Variants in CACNG6 observed in about 807,000 individuals in gnomAD.
CACNG6 encodes the protein calcium voltage-gated channel auxiliary subunit gamma 6, also known as voltage-dependent calcium channel gamma-6 subunit.
A neutral mutation model predicts 23.9 loss-of-function variants in CACNG6; 21 were observed. The ratio of observed to expected loss-of-function variants is 0.88; its 90% CI spans 0.62 to 1.26. The LOEUF (loss-of-function observed/expected upper bound fraction) is 1.26, where lower values mean the gene tolerates loss of function less well. Among genes scored for constraint, CACNG6 ranks in the 50% most tolerant of loss-of-function variants. CACNG6 has a pLI of 0.00. For missense variants in CACNG6, 340 were observed against 352.9 expected, an observed-to-expected ratio of 0.96 and a Z score of 0.29; for synonymous variants, 182 against 168.9, an observed-to-expected ratio of 1.08 and a Z score of -0.60.
At position 53,991,981 on chromosome 19, in the gene CACNG6, C is replaced by T. The variant is rs2069465584; in HGVS notation, c.-897C>T. 1.3e-5 allele frequency among the ~76,000 whole-genome samples: 2 copies of T among 152,052 alleles called. No homozygotes were observed. The highest frequency in any genetic ancestry group is 3.9e-4 in the East Asian group (2 of 5,180). On this transcript the variant is annotated 5_prime_UTR_variant, in exon 1 of 4. Transcript: ENST00000252729. ...CAGGAGGGCCCCCGGTCCCATCTGC[C>T]CCAGCCCTCGGGGAGGCCCCGTAGC...
At chr19:54,005,807 T>C (rs2069637682) in intron 3 of CACNG6, among the ~76,000 whole-genome samples, 1 of 130,564 alleles carries the variant, frequency 7.7e-6, no homozygotes, top group Non-Finnish European at 1.7e-5. Context: ...TAAAATAAAA[T>C]AAACCAGGCG....
upstream of CACNG6, among the ~76,000 whole-genome samples, chr19:53,991,407 T>C (rs2069456992): frequency 6.6e-6 from 1 of 151,450 alleles, no homozygotes; most frequent in Non-Finnish European, 1.5e-5. Flanking sequence ...TCGGCGCCGC[T>C]CTTGCCCCTT....
chr19:54,008,315 T>C (rs553927529), intron 3 of CACNG6, among the ~76,000 whole-genome samples: 9 of 152,212 alleles, frequency 5.9e-5, no homozygotes, highest in Admixed American at 4.6e-4. Context: ...ATTGCACCAT[T>C]GCACTCCAGC....
chr19:54,004,981 G>GTACGTGATCCCTTGAGCC, intron 3 of CACNG6, among the ~76,000 whole-genome samples: 1 of 144,368 alleles, frequency 6.9e-6, no homozygotes, highest in East Asian at 1.9e-4. Context: ...GGAGGCCGAG[G>GTACGTGATCCCTTGAGCC]CAGGTGGCTC....
In CACNG6 at chr19:53,998,254, A is replaced by G. The variant is rs1159450845; in HGVS notation, c.347A>G (p.Tyr116Cys). 8 of 1,613,896 alleles carry G rather than the reference A, an allele frequency of 5.0e-6. No homozygotes were observed. Among genetic ancestry groups the G allele is most frequent in the East Asian group, 2.2e-5 (1 of 44,890 alleles). The part of the protein sequence containing the change: ...AELPGEANCT[Y>C]FKFFTTGENA... ...GCTCCCACAGAAGCAAACTGCACCT[A>G]TTTTAAATTCTTCACCACGGGGGAG... The change falls in exon 2 of 4, where the codon TAT becomes TGT. Residue 116 changes from tyrosine to cysteine, a missense_variant. By Grantham distance (194) the Tyr-to-Cys change is radical. Coordinates refer to ENST00000252729, the MANE Select transcript of CACNG6 (RefSeq NM_145814.2).
chr19:53,993,116 A>G lies in CACNG6; in HGVS notation c.239A>G (p.His80Arg). The G allele has an allele frequency of 6.5e-7, 1 of 1,548,068 alleles. No individual in the cohort carries two copies. Among genetic ancestry groups the G allele is most frequent in the South Asian group, 1.2e-5 (1 of 83,968 alleles). ...ANGSAVCEAA[H>R]LGLWKACTKR... ...GGCAGCGCCGTGTGCGAAGCGGCCCACCTGGGGCTGTGGAAGGCGTGCACC... is the reference window on the plus strand; with the variant it reads ...GGCAGCGCCGTGTGCGAAGCGGCCCGCCTGGGGCTGTGGAAGGCGTGCACC... The change falls in exon 1 of 4, where the codon CAC becomes CGC. Residue 80 changes from histidine (H) to arginine (R), a missense_variant. Transcript: ENST00000252729.
At chr19:53,994,289 A>G (rs891336230) in intron 1 of CACNG6, among the ~76,000 whole-genome samples, 2 of 152,070 alleles carry the variant, frequency 1.3e-5, no homozygotes, top group Non-Finnish European at 2.9e-5. Context: ...CCTTCCCTGC[A>G]ATGTTCTTCA....
intron 3 of CACNG6, among the ~76,000 whole-genome samples, chr19:54,005,695 G>A (rs1424466859): frequency 6.6e-6 from 1 of 151,862 alleles, no homozygotes; most frequent in African/African-American, 2.4e-5. Context: ...GGAGATTGCA[G>A]TGAGCCAAGA....
chr19:53,994,630 G>A (rs573003010), intron 1 of CACNG6, among the ~76,000 whole-genome samples: 2 of 152,130 alleles, frequency 1.3e-5, no homozygotes, highest in Non-Finnish European at 2.9e-5. Context: ...CTCCAAAGAC[G>A]GTCCTATCAT....
intron 3 of CACNG6, among the ~76,000 whole-genome samples, chr19:54,008,764 G>A (rs2069673617): frequency 6.6e-6 from 1 of 152,134 alleles, no homozygotes; most frequent in African/African-American, 2.4e-5. Flanking sequence ...ACCATCCAAA[G>A]TCCCTGCTCC....
At position 54,012,139 on chromosome 19, in the gene CACNG6, T is replaced by G; in HGVS notation, c.733T>G (p.Ser245Ala). The G allele has an allele frequency of 6.5e-7, 1 of 1,535,618 alleles. No individual in the cohort carries two copies. Among genetic ancestry groups the G allele is most frequent in the Non-Finnish European group, 8.8e-7 (1 of 1,141,976 alleles). ...CTGCTTTCTGCTGCTCACACTGCCT[T>G]CCTGGCCCTGGGGGTCCCTCTGTCC... ...AGCFLLLTLP[S>A]WPWGSLCPKR... The change falls in exon 4 of 4, where the codon TCC (serine) becomes GCC (alanine). Residue 245 changes from serine (S) to alanine (A), a missense_variant. By Grantham distance (99) the Ser-to-Ala change is moderately conservative. Transcript: ENST00000252729.
chr19:54,001,345 C>T (rs184950274), intron 3 of CACNG6, among the ~76,000 whole-genome samples: 8 of 152,112 alleles, frequency 5.3e-5, no homozygotes, highest in Admixed American at 2.0e-4. Context: ...TGTGCCACCA[C>T]GCCTGGCTAA....
At chr19:54,001,192 C>CT (rs36064940) in intron 3 of CACNG6, among the ~76,000 whole-genome samples, 22,580 of 142,522 alleles carry the variant, frequency 0.16, 3,148 homozygotes, top group African/African-American at 0.37. Flanking sequence ...TCTTTTCTTT[C>CT]TTTTTTTTTT....
intron 1 of CACNG6, 133 bp from the exon 2 acceptor site, chr19:53,998,106 A>G: frequency 1.5e-6 from 1 of 678,688 alleles, no homozygotes; most frequent in South Asian, 2.0e-5. Flanking sequence ...TCTGGGCATC[A>G]TTTTTCTCCT....
chr19:54,000,118 T>C (rs755869168), intron 3 of CACNG6, among the ~76,000 whole-genome samples: 1 of 152,226 alleles, frequency 6.6e-6, no homozygotes, highest in African/African-American at 2.4e-5. Context: ...ACCTGGGATT[T>C]CCAATCACTG....
At chr19:54,005,348 C>T (rs1469174303) in intron 3 of CACNG6, among the ~76,000 whole-genome samples, 3 of 151,022 alleles carry the variant, frequency 2.0e-5, no homozygotes, top group Non-Finnish European at 2.9e-5. Flanking sequence ...TCCCTTGAGC[C>T]CAGGAGTTCG....
chr19:53,996,215 T>G (rs2069519614), intron 1 of CACNG6, among the ~76,000 whole-genome samples: 1 of 152,180 alleles, frequency 6.6e-6, no homozygotes, highest in Non-Finnish European at 1.5e-5. Flanking sequence ...CTCTTCTCTC[T>G]TTCTGTGCCT....
At chr19:53,995,441 T>G (rs2069510743) in intron 1 of CACNG6, among the ~76,000 whole-genome samples, 1 of 152,150 alleles carries the variant, frequency 6.6e-6, no homozygotes. Context: ...GTATGGAATG[T>G]GGGGGTGACC....
rs766609552 is a variant in CACNG6 at position 54,006,522 on chromosome 19, CTTTTTTTTTTT to C, written c.545-5417_545-5407del. On this transcript the variant is annotated intron_variant, in intron 3 of 3. Transcript: ENST00000252729. ...GTGTCCCCAGTTCCTTCTTTCTTTT[CTTTTTTTTTTT>C]TTTTTTTTTTTGTTGAGTCAGAGTC... Among the ~76,000 whole-genome samples, 4 of 34,190 alleles carry C rather than the reference CTTTTTTTTTTT, an allele frequency of 1.2e-4. No homozygotes were observed. In the South Asian group the frequency reaches 3.8e-3, roughly 32 times the overall value. 22.4% of individuals were successfully genotyped at this position (34,190 alleles called of 152,430 possible). A position where few individuals can be genotyped will look rare whatever the true frequency, so the allele number is the denominator to read the frequency against.
Sources: allele counts gnomAD v4.1 joint callset (sites outside exome capture counted in the v4.1 genomes callset), GRCh38; gene constraint gnomAD v4.1.1; transcripts MANE v1.5; gene names NCBI Gene and HGNC (gene_info 2026-07-23, HGNC 2026-07-21).